SDK1: variants seen among roughly 807,000 people sequenced by gnomAD.
SDK1 encodes protein sidekick-1.
In SDK1, 157 loss-of-function variants were observed where a neutral mutation model predicts 245.5. The observed-to-expected ratio is 0.64, with a 90% confidence interval of 0.56 to 0.73. The LOEUF is 0.73. Among genes scored for constraint, SDK1 ranks in the 30% least tolerant of loss-of-function variants. The pLI, the probability that SDK1 is intolerant of heterozygous loss-of-function variation, is 0.00. For missense variants in SDK1, 3,583 were observed against 3,002.3 expected (o/e 1.19, Z -4.52); for synonymous variants, 1,647 against 1,278.5 (o/e 1.29, Z -6.15).
intron 1 of SDK1, among the ~76,000 whole-genome samples, chr7:3,568,298 T>G (rs1274700744): frequency 6.6e-6 from 1 of 152,202 alleles, no homozygotes; most frequent in Non-Finnish European, 1.5e-5. Flanking sequence ...GTAACTGATA[T>G]ACTCTAATGT....
chr7:3,618,490 C>T (rs772418981), intron 1 of SDK1, among the ~76,000 whole-genome samples: 1 of 152,154 alleles, frequency 6.6e-6, no homozygotes, highest in Middle Eastern at 3.2e-3. Flanking sequence ...CTATGTGTAG[C>T]AATTGTTGCT....
intron 44 of SDK1, among the ~76,000 whole-genome samples, chr7:4,260,950 G>A (rs925027410): frequency 2.6e-5 from 4 of 152,254 alleles, no homozygotes; most frequent in Non-Finnish European, 5.9e-5. Flanking sequence ...ATGCAGAGGA[G>A]CCACAGATGG....
chr7:3,672,482 C>A (rs962969553), intron 4 of SDK1, among the ~76,000 whole-genome samples: 1 of 149,738 alleles, frequency 6.7e-6, no homozygotes, highest in Admixed American at 6.7e-5. Context: ...GACATACAGG[C>A]AAAGAAGAAA....
intron 13 of SDK1, among the ~76,000 whole-genome samples, chr7:3,981,175 G>T (rs1380608223): frequency 6.6e-6 from 1 of 152,136 alleles, no homozygotes; most frequent in African/African-American, 2.4e-5. Flanking sequence ...TTGTCACTAT[G>T]ATTGTATCTG....
chr7:3,482,874 G>A (rs1781561046), intron 1 of SDK1, among the ~76,000 whole-genome samples: 1 of 152,180 alleles, frequency 6.6e-6, no homozygotes, highest in Non-Finnish European at 1.5e-5. Flanking sequence ...TGTGTAATAA[G>A]CTTAGAAAAT....
intron 1 of SDK1, among the ~76,000 whole-genome samples, chr7:3,568,691 C>T (rs769446959): frequency 1.3e-4 from 20 of 152,206 alleles, no homozygotes; most frequent in Admixed American, 1.1e-3. Context: ...TAATTTATGA[C>T]TCTTTCTGTG....
chr7:3,658,320 C>G (rs554148165), intron 4 of SDK1, among the ~76,000 whole-genome samples: 2 of 152,210 alleles, frequency 1.3e-5, no homozygotes, highest in South Asian at 4.1e-4. Flanking sequence ...GTGACAGCCC[C>G]TAATATCGAG....
chr7:3,432,072 TG>T (rs929315099), intron 1 of SDK1, among the ~76,000 whole-genome samples: 1 of 150,938 alleles, frequency 6.6e-6, no homozygotes, highest in Admixed American at 6.6e-5. Context: ...TCAGTCAGTC[TG>T]TGTGAAATAC....
At chr7:4,090,927 G>A (rs1781749637) in intron 22 of SDK1, among the ~76,000 whole-genome samples, 1 of 152,048 alleles carries the variant, frequency 6.6e-6, no homozygotes, top group African/African-American at 2.4e-5. Context: ...GCCCTTCTCT[G>A]GCTCCCAGTA....
At chr7:3,341,941 T>C (rs895002952) in intron 1 of SDK1, among the ~76,000 whole-genome samples, 4 of 152,180 alleles carry the variant, frequency 2.6e-5, no homozygotes, top group African/African-American at 9.7e-5. Flanking sequence ...GAAAAACCTG[T>C]ATGGAAAGGC....
chr7:4,096,496 G>A (rs766056320), intron 22 of SDK1, among the ~76,000 whole-genome samples: 29 of 152,284 alleles, frequency 1.9e-4, no homozygotes, highest in Non-Finnish European at 3.2e-4. Context: ...GGGATGGGTC[G>A]TGGGACCTCT....
At chr7:3,954,028 G>C (rs149885310) in intron 7 of SDK1, among the ~76,000 whole-genome samples, 2 of 152,264 alleles carry the variant, frequency 1.3e-5, no homozygotes, top group African/African-American at 4.8e-5. Context: ...ACCCGTAGGA[G>C]CACACAGGCC....
chr7:3,984,435 G>A (rs1583726896), intron 13 of SDK1, among the ~76,000 whole-genome samples: 1 of 152,300 alleles, frequency 6.6e-6, no homozygotes, highest in Admixed American at 6.5e-5. Context: ...TCACCTCTGT[G>A]AGAAAGACAG....
intron 1 of SDK1, among the ~76,000 whole-genome samples, chr7:3,406,761 T>G (rs1779066026): frequency 6.6e-6 from 1 of 152,124 alleles, no homozygotes; most frequent in Admixed American, 6.6e-5. Context: ...AATGTCCATG[T>G]AGGAACATAC....
intron 1 of SDK1, among the ~76,000 whole-genome samples, chr7:3,309,630 C>A (rs10276933): frequency 0.4 from 59,751 of 148,570 alleles, 12,709 homozygotes; most frequent in South Asian, 0.51. Flanking sequence ...GCTTTTACTT[C>A]TGATTTTTTT....
chr7:3,915,728 A>T (rs1208802356), intron 5 of SDK1, among the ~76,000 whole-genome samples: 1 of 152,182 alleles, frequency 6.6e-6, no homozygotes, highest in East Asian at 1.9e-4. Flanking sequence ...CCAAGTTGTC[A>T]TGGAAGTTGA....
At chr7:3,916,515 G>C (rs1266910892) in intron 5 of SDK1, among the ~76,000 whole-genome samples, 1 of 152,188 alleles carries the variant, frequency 6.6e-6, no homozygotes, top group Non-Finnish European at 1.5e-5. Context: ...AAAAGATGAT[G>C]GAAAGTCAAC....
intron 30 of SDK1, among the ~76,000 whole-genome samples, chr7:4,153,160 A>G (rs1562893500): frequency 1.3e-5 from 2 of 151,378 alleles, no homozygotes; most frequent in Admixed American, 6.6e-5. Flanking sequence ...AGAAAGGCGC[A>G]GAGGGAATGA....
chr7:4,114,801 C>T (rs1043767799), intron 25 of SDK1, among the ~76,000 whole-genome samples: 10 of 152,118 alleles, frequency 6.6e-5, no homozygotes, highest in African/African-American at 1.9e-4. Context: ...CAGGCTTTAC[C>T]GTTCTGTGGG....
Sources: gnomAD v4.1 joint callset for allele counts (sites outside exome capture counted in the v4.1 genomes callset) on GRCh38, gnomAD v4.1.1 for gene constraint, MANE v1.5 for transcripts, NCBI Gene and HGNC (gene_info 2026-07-23, HGNC 2026-07-21) for gene names.